Variants in GFRA4 observed in about 807,000 individuals in gnomAD.
GFRA4 encodes GDNF family receptor alpha 4, also known as GDNF family receptor alpha-4.
Under a neutral mutation model 28.5 loss-of-function variants are expected in GFRA4, and 31 were observed. The observed-to-expected ratio is 1.09, with a 90% CI of 0.82 to 1.47. GFRA4 has a LOEUF of 1.47. GFRA4 is among the 40% of genes most tolerant of loss of function. The pLI, the probability that GFRA4 is intolerant of heterozygous loss-of-function variation, is 0.00. For missense variants in GFRA4, 389 were observed against 413.2 expected, an observed-to-expected ratio of 0.94 and a Z score of 0.51; for synonymous variants, 188 against 188.0, an observed-to-expected ratio of 1.00 and a Z score of 0.00.
Position 3,661,182 on chromosome 20 carries a change from C to G in GFRA4, c.154G>C (p.Gly52Arg). Residue 52 changes from glycine (G) to arginine (R), a missense_variant, in exon 2 of 6, where the codon GGC becomes CGC. By Grantham distance (125) the Gly-to-Arg change is moderately radical. Coordinates refer to ENST00000290417, the MANE Select transcript of GFRA4 (RefSeq NM_022139.4). Reference sequence around the variant, plus strand: ...GGACAGCCCCCCTGCGCAGCCCGGCCCAGGCACTGCGCCACATACTCGGAG... The same window carrying G: ...GGACAGCCCCCCTGCGCAGCCCGGCGCAGGCACTGCGCCACATACTCGGAG... ...LRSEYVAQCLGRAAQGGCPRA... is the reference protein window; with the variant it reads ...LRSEYVAQCLRRAAQGGCPRA... 6.8e-7 allele frequency: 1 copy of G among 1,474,378 alleles called. No individual in the cohort carries two copies. The highest frequency in any genetic ancestry group is 1.3e-5 in the South Asian group (1 of 77,686). 91.3% of individuals were successfully genotyped at this position (1,474,378 alleles called of 1,614,324 possible).
chr20:3,660,757 A>G lies in GFRA4; in HGVS notation c.500T>C (p.Val167Ala). 7.0e-7 allele frequency: 1 copy of G among 1,423,052 alleles called. No individual in the cohort carries two copies. The allele number at this position is 1,423,052 out of a possible 1,614,324, so 88.2% of individuals were successfully genotyped here. The change falls in exon 3 of 6, where the codon GTG becomes GCG. Residue 167 changes from valine to alanine, a missense_variant and splice_region_variant. Physicochemically the swap from Val to Ala is moderately conservative, Grantham distance 64 (BLOSUM62 0). Transcript: ENST00000290417. ...GCCCGGATCCCGGCCGCGCGTACCC[A>G]CGAGGCCCGCGTAGGCGCGCAGGCA... is the stretch of plus-strand genomic sequence containing the variant. Reference protein sequence around the residue: ...ARCLRAYAGLVGTAVTPNYVD... With the variant: ...ARCLRAYAGLAGTAVTPNYVD...
At position 3,660,969 on chromosome 20, in the gene GFRA4, A is replaced by C. The variant is rs2087214691; in HGVS notation, c.367T>G (p.Phe123Val). 7.6e-7 allele frequency: 1 copy of C among 1,315,702 alleles called. No individual in the cohort carries two copies. The highest frequency in any genetic ancestry group is 1.4e-5 in the South Asian group (1 of 72,600). 81.5% of individuals were successfully genotyped at this position (1,315,702 alleles called of 1,614,324 possible). A position where few individuals can be genotyped will look rare whatever the true frequency, so the allele number is the denominator to read the frequency against. ...CTGCAGACCCGGCTGCGCTCGCAGAAGTTTAAGGGCTCAAGGCAGGAGGGC... is the reference window on the plus strand; with the variant it reads ...CTGCAGACCCGGCTGCGCTCGCAGACGTTTAAGGGCTCAAGGCAGGAGGGC... ...APPSCLEPLN[F>V]CERSRVCRPR... The change falls in exon 2 of 6, where the codon TTC becomes GTC. Residue 123 changes from phenylalanine (F) to valine (V), a missense_variant. Transcript: ENST00000290417.
At chr20:3,660,347 G>A in intron 4 of GFRA4, 98 bp from the exon 5 acceptor site, 1 of 1,146,316 alleles carries the variant, frequency 8.7e-7, no homozygotes, top group Non-Finnish European at 1.2e-6. Flanking sequence ...GCAAAGACTG[G>A]CTCCTTGGAC....
intron 2 of GFRA4, 28 bp from the exon 3 acceptor site, chr20:3,660,892 A>C: frequency 1.4e-6 from 2 of 1,400,110 alleles, no homozygotes; most frequent in Non-Finnish European, 9.2e-7. Flanking sequence ...GGTGAGCCGG[A>C]GAGAGGCCCC....
Position 3,661,161 on chromosome 20 carries a change from A to G in GFRA4, c.175T>C (p.Cys59Arg), listed in dbSNP as rs1328274728. 2 of 1,368,124 alleles carry G rather than the reference A, an allele frequency of 1.5e-6. No homozygotes were observed. Among genetic ancestry groups the G allele is most frequent in the East Asian group, 6.2e-5 (2 of 32,452 alleles). The allele number at this position is 1,368,124 out of a possible 1,614,324, so 84.7% of individuals were successfully genotyped here. ...GCCCGGCGGCAGCGGGCGCGGGGAC[A>G]GCCCCCCTGCGCAGCCCGGCCCAGG... ...QCLGRAAQGG[C>R]PRARCRRALR... is the part of the protein sequence containing the mutation. Residue 59 changes from cysteine (C) to arginine (R), a missense_variant, in exon 2 of 6, where the codon TGT (cysteine) becomes CGT (arginine). Physicochemically the swap from Cys to Arg is radical, Grantham distance 180. Coordinates refer to ENST00000290417, the MANE Select transcript of GFRA4 (RefSeq NM_022139.4).
In GFRA4 at chr20:3,660,984, G is replaced by C; in HGVS notation, c.352C>G (p.Leu118Val). Reference protein sequence around the residue: ...SGPGPAPPSCLEPLNFCERSR... With the variant: ...SGPGPAPPSCVEPLNFCERSR... ...CGCTCGCAGAAGTTTAAGGGCTCAA[G>C]GCAGGAGGGCGGCGCGGGGCCGGGC... The change falls in exon 2 of 6, where the codon CTT (leucine) becomes GTT (valine). Residue 118 changes from leucine to valine, a missense_variant. Transcript: ENST00000290417. 6.8e-7 allele frequency: 1 copy of C among 1,463,092 alleles called. No homozygotes were observed. Among genetic ancestry groups the C allele is most frequent in the Non-Finnish European group, 9.0e-7 (1 of 1,115,676 alleles). 90.6% of individuals were successfully genotyped at this position (1,463,092 alleles called of 1,614,324 possible).
In GFRA4 at chr20:3,660,248, A is replaced by G. The variant is rs1478609273; in HGVS notation, c.639T>C (p.Asp213=). Residue 213 remains aspartate (D), a splice_region_variant and synonymous_variant, in exon 5 of 6, where the codon GAT becomes GAC. Coordinates refer to ENST00000290417, the MANE Select transcript of GFRA4 (RefSeq NM_022139.4). ...CGCTGGCAAAGGCCTGAATGGCACC[A>G]TCTATGGAGGGAGGGGTCCAGGGTG... ...RGLFTRNRCL[D]GAIQAFASGW... The G allele has an allele frequency of 6.2e-7, 1 of 1,604,164 alleles. No individual in the cohort carries two copies. The highest frequency in any genetic ancestry group is 8.5e-7 in the Non-Finnish European group (1 of 1,175,556).
rs1385978990 is a variant in GFRA4 at position 3,663,350 on chromosome 20, T to C, written c.46+4A>G. On this transcript the variant is annotated splice_donor_region_variant and intron_variant, in intron 1 of 5. Coordinates refer to ENST00000290417, the MANE Select transcript of GFRA4 (RefSeq NM_022139.4). ...GGGGTCCAGGGGAAGAGAGGGGCGCTCACCCAGTAACAGCAGCAGCAGCAG... is the reference window on the plus strand; with the variant it reads ...GGGGTCCAGGGGAAGAGAGGGGCGCCCACCCAGTAACAGCAGCAGCAGCAG... 1.2e-6 allele frequency: 2 copies of C among 1,610,172 alleles called. No individual in the cohort carries two copies. Among genetic ancestry groups the C allele is most frequent in the South Asian group, 1.1e-5 (1 of 89,788 alleles).
At chr20:3,662,084 C>T (rs760439347) in intron 1 of GFRA4, among the ~76,000 whole-genome samples, 14 of 152,310 alleles carry the variant, frequency 9.2e-5, no homozygotes, top group East Asian at 1.9e-4. Flanking sequence ...GACACACCGC[C>T]GGGCTTTGTC....
Position 3,660,721 on chromosome 20 carries a change from CCCCCGCCCTCGCCCGGAT to C in GFRA4, c.502+16_502+33del. On this transcript the variant is annotated intron_variant, in intron 3 of 5. Transcript: ENST00000290417. ...CCGGGCGGAGATATCCCCTGGAGAA[CCCCCGCCCTCGCCCGGAT>C]CCCGGCCGCGCGTACCCACGAGGCC... The C allele has an allele frequency of 6.9e-7, 1 of 1,459,734 alleles. No homozygotes were observed. The highest frequency in any genetic ancestry group is 9.0e-7 in the Non-Finnish European group (1 of 1,108,562). 90.4% of individuals were successfully genotyped at this position (1,459,734 alleles called of 1,614,324 possible). A position where few individuals can be genotyped will look rare whatever the true frequency, so the allele number is the denominator to read the frequency against.
Position 3,660,507 on chromosome 20 carries a change from T to G in GFRA4, c.637+19A>C. 2.9e-4 allele frequency: 180 copies of G among 615,414 alleles called. No homozygotes were observed. The highest frequency in any genetic ancestry group is 4.3e-4 in the Non-Finnish European group (169 of 390,302). 38.1% of individuals were successfully genotyped at this position (615,414 alleles called of 1,614,324 possible). On this transcript the variant is annotated intron_variant, in intron 4 of 5. Transcript: ENST00000290417. ...AGCGCCGCCCCCACTCCCCCTCCACTCCCCCCCGGGCCCCTCACCCAAGCA... is the reference window on the plus strand; with the variant it reads ...AGCGCCGCCCCCACTCCCCCTCCACGCCCCCCCGGGCCCCTCACCCAAGCA...
chr20:3,660,057 CCCCAGGCCCTTCATGCCTCCA>C lies in GFRA4; in HGVS notation c.729+80_730-69del, dbSNP rs1435687134. ...TCTCTGCCCTCTGCCTGCACCCCCA[CCCCAGGCCCTTCATGCCTCCA>C]CCCAGGCCCACCAGGGACGGAAGGG... On this transcript the variant is annotated intron_variant, in intron 5 of 5. Coordinates refer to ENST00000290417, the MANE Select transcript of GFRA4 (RefSeq NM_022139.4). The C allele has an allele frequency of 7.9e-6, 12 of 1,513,470 alleles. No individual in the cohort carries two copies. In the African/African-American group the frequency reaches 1.3e-4, roughly 16 times the overall value. The allele number at this position is 1,513,470 out of a possible 1,614,324, so 93.8% of individuals were successfully genotyped here. A position where few individuals can be genotyped will look rare whatever the true frequency, so the allele number is the denominator to read the frequency against.
chr20:3,659,968 G>A lies in GFRA4; in HGVS notation c.751C>T (p.Leu251=). ...LLQVSSTGRA[L]ERRSLLSILP... ...ATGGAGAGCAGGGAGCGTCTCTCCA[G>A]GGCCCTGCCTGTGGAGGACACCTTG... The change falls in exon 6 of 6, where the codon CTG becomes TTG. Residue 251 remains leucine, a synonymous_variant. Coordinates refer to ENST00000290417, the MANE Select transcript of GFRA4 (RefSeq NM_022139.4). The A allele has an allele frequency of 6.3e-7, 1 of 1,587,866 alleles. No homozygotes were observed. Among genetic ancestry groups the A allele is most frequent in the Non-Finnish European group, 8.6e-7 (1 of 1,167,872 alleles).
intron 1 of GFRA4, among the ~76,000 whole-genome samples, chr20:3,661,631 A>G (rs113372540): frequency 4.6e-5 from 7 of 152,238 alleles, no homozygotes; most frequent in Admixed American, 2.0e-4. Flanking sequence ...CCTACACTCA[A>G]TGGCACTACC....
chr20:3,660,275 A>T (rs1234078669), intron 4 of GFRA4, 26 bp from the exon 5 acceptor site: 2 of 1,570,634 alleles, frequency 1.3e-6, no homozygotes, highest in Admixed American at 1.8e-5. Flanking sequence ...TCCAGGGTGG[A>T]CTTAGCTGGG....
intron 1 of GFRA4, among the ~76,000 whole-genome samples, chr20:3,661,570 C>T (rs539037991): frequency 6.2e-5 from 2 of 32,362 alleles, no homozygotes; most frequent in Admixed American, 8.3e-4. Flanking sequence ...AGCATCGCCA[C>T]CATTTCTCCA....
rs768051267 is a variant in GFRA4 at position 3,660,545 on chromosome 20, A to G, written c.618T>C (p.Phe206=). ...CCTCACCCAAGCAGCGGTTCCTGGT[A>G]AAGAGCCCCCGGAAGGCTTCGCAGT... ...REDCEAFRGL[F]TRNRCLDGAI... Residue 206 remains phenylalanine, a synonymous_variant, in exon 4 of 6, where the codon TTT becomes TTC. Coordinates refer to ENST00000290417, the MANE Select transcript of GFRA4 (RefSeq NM_022139.4). 1.4e-5 allele frequency: 21 copies of G among 1,506,168 alleles called. No homozygotes were observed. The South Asian group carries it at 2.3e-4, about 16-fold the overall frequency. The allele number at this position is 1,506,168 out of a possible 1,614,324, so 93.3% of individuals were successfully genotyped here.
Position 3,660,156 on chromosome 20 carries a change from A to T in GFRA4, c.729+2T>A. On this transcript the variant is annotated splice_donor_variant, in intron 5 of 5. Transcript: ENST00000290417. LOFTEE classifies it high-confidence loss of function. Reference sequence around the variant, plus strand: ...AGCTCACCCTCCCCTCCCTGCACCTACCTGCAGGAGGCTGTGCTCCGGGTC... The same window carrying T: ...AGCTCACCCTCCCCTCCCTGCACCTTCCTGCAGGAGGCTGTGCTCCGGGTC... The T allele has an allele frequency of 6.3e-7, 1 of 1,585,596 alleles. No homozygotes were observed. Among genetic ancestry groups the T allele is most frequent in the Non-Finnish European group, 8.6e-7 (1 of 1,165,544 alleles).
chr20:3,659,976 C>T lies in GFRA4; in HGVS notation c.743G>A (p.Gly248Asp). 2 of 1,582,630 alleles carry T rather than the reference C, an allele frequency of 1.3e-6. No homozygotes were observed. The highest frequency in any genetic ancestry group is 1.8e-5 in the Admixed American group (1 of 54,554). Reference protein sequence around the residue: ...EHSLLQVSSTGRALERRSLLS... With the variant: ...EHSLLQVSSTDRALERRSLLS... ...CAGGGAGCGTCTCTCCAGGGCCCTG[C>T]CTGTGGAGGACACCTTGGGGGTGGG... The change falls in exon 6 of 6, where the codon GGC becomes GAC. Residue 248 changes from glycine to aspartate, a missense_variant. Coordinates refer to ENST00000290417, the MANE Select transcript of GFRA4 (RefSeq NM_022139.4).
Sources: gnomAD v4.1 joint callset for allele counts (sites outside exome capture counted in the v4.1 genomes callset) on GRCh38, gnomAD v4.1.1 for gene constraint, MANE v1.5 for transcripts, NCBI Gene and HGNC (gene_info 2026-07-23, HGNC 2026-07-21) for gene names.